The following ANXA7 variants were observed in gnomAD, a reference collection of about 807,000 sequenced individuals.
ANXA7 encodes annexin VII.
A neutral mutation model predicts 64.9 loss-of-function variants in ANXA7; 55 were observed. That is an observed-to-expected ratio of 0.85 (90% CI 0.68 to 1.06). The LOEUF (loss-of-function observed/expected upper bound fraction) is 1.06, where lower values mean the gene tolerates loss of function less well. ANXA7 is among the 50% of genes least tolerant of loss of function. The probability of loss-of-function intolerance (pLI) is 0.00; values close to 1 mark genes in which losing one functional copy is unlikely to be tolerated. For missense variants in ANXA7, 548 were observed against 582.1 expected (o/e 0.94, Z 0.60); for synonymous variants, 200 against 192.4 (o/e 1.04, Z -0.33).
intron 5 of ANXA7, among the ~76,000 whole-genome samples, chr10:73,390,092 G>A (rs1383878844): frequency 2.0e-5 from 3 of 152,108 alleles, no homozygotes; most frequent in Non-Finnish European, 4.4e-5. Context: ...TTTCACTGCA[G>A]AAAACACACA....
Position 73,375,875 on chromosome 10 carries a change from CATT to C in ANXA7, c.*217_*219del, listed in dbSNP as rs960075925. On this transcript the variant is annotated 3_prime_UTR_variant, in exon 13 of 13. Transcript: ENST00000372921. ...TACAAACATTGCAATATTACTGTAT[CATT>C]GTGATATGGCTTTACATTGATTGTA... The C allele has an allele frequency of 8.1e-5, 27 of 333,880 alleles. No homozygotes were observed. Among genetic ancestry groups the C allele is most frequent in the African/African-American group, 5.1e-4 (24 of 47,032 alleles). The allele number at this position is 333,880 out of a possible 1,614,324, so 20.7% of individuals were successfully genotyped here.
intron 2 of ANXA7, 58 bp downstream of exon 2, chr10:73,400,745 G>A: frequency 2.2e-6 from 3 of 1,383,400 alleles, no homozygotes; most frequent in Non-Finnish European, 2.0e-6. Flanking sequence ...ATCTGACATG[G>A]GCCAGTCCCA....
chr10:73,398,362 A>G lies in ANXA7; in HGVS notation c.78T>C (p.Phe26=). The change falls in exon 3 of 13, where the codon TTT becomes TTC. Residue 26 remains phenylalanine, a synonymous_variant. Coordinates refer to ENST00000372921, the MANE Select transcript of ANXA7 (RefSeq NM_001156.5). The part of the protein sequence containing the change: ...GYPPAGQESS[F]PPSGQYPYPS... ...GATAAGGATACTGACCAGAAGGGGG[A>G]AAAGATGACTCCTGACCTGCAGGCT... The G allele has an allele frequency of 6.2e-7, 1 of 1,613,710 alleles. No individual in the cohort carries two copies. Among genetic ancestry groups the G allele is most frequent in the Middle Eastern group, 1.7e-4 (1 of 6,060 alleles).
intron 1 of ANXA7, among the ~76,000 whole-genome samples, chr10:73,406,654 C>T (rs570804160): frequency 2.6e-5 from 4 of 152,112 alleles, no homozygotes; most frequent in South Asian, 4.1e-4. Flanking sequence ...ACTGTAGCCT[C>T]GAATTCCTGG....
chr10:73,378,812 T>C lies in ANXA7; in HGVS notation c.1278+99A>G, dbSNP rs56765344. 2.0e-3 allele frequency: 1,715 copies of C among 841,178 alleles called. 19 individuals are homozygous for C. In the African/African-American group the frequency reaches 0.026, roughly 13 times the overall value. 52.1% of individuals were successfully genotyped at this position (841,178 alleles called of 1,614,324 possible). On this transcript the variant is annotated intron_variant, in intron 12 of 12. Transcript: ENST00000372921. Reference sequence around the variant, plus strand: ...TTTAGGTGGCAAAGAGAGCTCTTTCTTATCATTTTTGAGGGACTGACAACC... The same window carrying C: ...TTTAGGTGGCAAAGAGAGCTCTTTCCTATCATTTTTGAGGGACTGACAACC...
At chr10:73,385,824 T>C (rs906248213) in intron 7 of ANXA7, among the ~76,000 whole-genome samples, 7 of 152,044 alleles carry the variant, frequency 4.6e-5, no homozygotes, top group African/African-American at 1.7e-4. Context: ...CAAAATAGAA[T>C]AAGCAAGGTG....
At chr10:73,395,342 C>G (rs2081695826) in intron 5 of ANXA7, among the ~76,000 whole-genome samples, 1 of 152,108 alleles carries the variant, frequency 6.6e-6, no homozygotes. Flanking sequence ...CTTGAAAATG[C>G]TAGACATTCA....
rs1394596259 is a variant in ANXA7, at chr10:73,380,116, A to G, written c.1004T>C (p.Leu335Pro). 1.9e-6 allele frequency: 3 copies of G among 1,614,164 alleles called. No homozygotes were observed. Among genetic ancestry groups the G allele is most frequent in the Non-Finnish European group, 2.5e-6 (3 of 1,180,030 alleles). The stretch of plus-strand genomic sequence containing the variant: ...GTTAAAGCAAGATTCATCGGTCCCT[A>G]GTCTCCCCTCACCAGCTTGATAGAG... ...QRLYQAGEGR[L>P]GTDESCFNMI... Residue 335 changes from leucine to proline, a missense_variant, in exon 10 of 13, where the codon CTA (leucine) becomes CCA (proline). Transcript: ENST00000372921.
chr10:73,389,499 A>G (rs569355002), intron 5 of ANXA7, among the ~76,000 whole-genome samples: 6 of 152,360 alleles, frequency 3.9e-5, no homozygotes, highest in African/African-American at 1.2e-4. Context: ...GGAAGTTAAC[A>G]TTTGGAGAAT....
intron 1 of ANXA7, among the ~76,000 whole-genome samples, 171 bp downstream of exon 1, chr10:73,413,841 G>A (rs2055881646): frequency 6.6e-6 from 1 of 152,200 alleles, no homozygotes; most frequent in Non-Finnish European, 1.5e-5. Context: ...AACACACCCC[G>A]GCCGGCAGCC....
chr10:73,378,842 G>A, intron 12 of ANXA7, 69 bp downstream of exon 12: 1 of 1,175,870 alleles, frequency 8.5e-7, no homozygotes, highest in Non-Finnish European at 1.3e-6. Context: ...ACAACCAACT[G>A]GGGAACTTTT....
rs1564520292 is a variant in ANXA7, at chr10:73,378,945, G to A, written c.1244C>T (p.Ser415Phe). ...YAMKGAGTDD[S>F]TLVRIVVTRS... Reference sequence around the variant, plus strand: ...AGTGACCACAATCCGGACCAGGGTGGAGTCATCTGTGCCAGCACCTTTCAT... The same window carrying A: ...AGTGACCACAATCCGGACCAGGGTGAAGTCATCTGTGCCAGCACCTTTCAT... Residue 415 changes from serine (S) to phenylalanine (F), a missense_variant, in exon 12 of 13, where the codon TCC (serine) becomes TTC (phenylalanine). Physicochemically the swap from Ser to Phe is radical, Grantham distance 155. Transcript: ENST00000372921. 5 of 1,613,650 alleles carry A rather than the reference G, an allele frequency of 3.1e-6. No homozygotes were observed. The South Asian group carries it at 5.5e-5, about 18-fold the overall frequency.
In ANXA7 at chr10:73,380,426, T is replaced by C. The variant is rs113088599; in HGVS notation, c.919-225A>G. ...CTGGGACTACAGGCACAAACGACCA[T>C]GCCTGGTTAATTTTTTTATTTTTTG... On this transcript the variant is annotated intron_variant, in intron 9 of 12. Transcript: ENST00000372921. Among the ~76,000 whole-genome samples the C allele has an allele frequency of 3.2e-3, 480 of 152,004 alleles. 1 individual carries two copies. Among genetic ancestry groups the C allele is most frequent in the African/African-American group, 0.01 (430 of 41,474 alleles).
intron 5 of ANXA7, among the ~76,000 whole-genome samples, chr10:73,391,978 G>C (rs910425537): frequency 6.6e-6 from 1 of 152,076 alleles, no homozygotes; most frequent in Non-Finnish European, 1.5e-5. Flanking sequence ...AGGAAAAAGA[G>C]AAGAATTAAA....
At chr10:73,390,597 G>T (rs2055455088) in intron 5 of ANXA7, among the ~76,000 whole-genome samples, 1 of 150,656 alleles carries the variant, frequency 6.6e-6, no homozygotes, top group African/African-American at 2.4e-5. Flanking sequence ...TCCTAAATAG[G>T]ACAGAAGCCA....
chr10:73,408,681 TTA>T lies in ANXA7; in HGVS notation c.-2+5329_-2+5330del, dbSNP rs540486842. 2.4e-3 allele frequency among the ~76,000 whole-genome samples: 359 copies of T among 152,284 alleles called. 8 individuals are homozygous for T. Among genetic ancestry groups the T allele is most frequent in the African/African-American group, 7.7e-3 (320 of 41,574 alleles). On this transcript the variant is annotated intron_variant, in intron 1 of 12. Coordinates refer to ENST00000372921, the MANE Select transcript of ANXA7 (RefSeq NM_001156.5). ...AATTTTGGTACATTTTGAAAAATAATTATATAAAAGACTAGAATGCAATTCCA... is the reference window on the plus strand; with the variant it reads ...AATTTTGGTACATTTTGAAAAATAATTATAAAAGACTAGAATGCAATTCCA...
chr10:73,379,822 A>G lies in ANXA7; in HGVS notation c.1165+57T>C, dbSNP rs1005008813. ...TTATCAACATTTAATGGGAACAACTATTCAAAGCTCCCACTCATTTAAAAA... is the reference window on the plus strand; with the variant it reads ...TTATCAACATTTAATGGGAACAACTGTTCAAAGCTCCCACTCATTTAAAAA... On this transcript the variant is annotated intron_variant, in intron 11 of 12. Coordinates refer to ENST00000372921, the MANE Select transcript of ANXA7 (RefSeq NM_001156.5). 4.7e-6 allele frequency: 7 copies of G among 1,492,016 alleles called. No homozygotes were observed. The African/African-American group carries it at 9.7e-5, about 21-fold the overall frequency. 92.4% of individuals were successfully genotyped at this position (1,492,016 alleles called of 1,614,324 possible). A position where few individuals can be genotyped will look rare whatever the true frequency, so the allele number is the denominator to read the frequency against.
chr10:73,381,821 C>T (rs1417571672), intron 9 of ANXA7, among the ~76,000 whole-genome samples: 1 of 151,954 alleles, frequency 6.6e-6, no homozygotes, highest in Non-Finnish European at 1.5e-5. Context: ...ATTCAATTTC[C>T]TTCAACCCAT....
intron 1 of ANXA7, among the ~76,000 whole-genome samples, chr10:73,401,701 C>T (rs1343095118): frequency 1.3e-5 from 2 of 152,038 alleles, no homozygotes; most frequent in Non-Finnish European, 1.5e-5. Flanking sequence ...GGGGTTTCAC[C>T]ATGTTGGCCA....
Sources: gnomAD v4.1 joint callset for allele counts (sites outside exome capture counted in the v4.1 genomes callset) on GRCh38, gnomAD v4.1.1 for gene constraint, MANE v1.5 for transcripts, NCBI Gene and HGNC (gene_info 2026-07-23, HGNC 2026-07-21) for gene names.